MGAM: variants seen among roughly 807,000 people sequenced by gnomAD.
The protein encoded by MGAM is maltase-glucoamylase.
Under a neutral mutation model 358.8 loss-of-function variants are expected in MGAM, and 253 were observed. That is an observed-to-expected ratio of 0.71 (90% CI 0.64 to 0.78). MGAM has a LOEUF of 0.78. MGAM is among the 30% of genes least tolerant of loss of function. MGAM has a pLI of 0.00. For synonymous variants in MGAM, 1,105 were observed against 1,227.1 expected (o/e 0.90, Z 2.08); for missense variants, 3,080 against 3,432.6 (o/e 0.90, Z 2.57).
At chr7:142,066,869 C>G (rs961085436) in intron 41 of MGAM, 148 bp downstream of exon 41, 1 of 1,062,114 alleles carries the variant, frequency 9.4e-7, no homozygotes, top group South Asian at 1.5e-5. Flanking sequence ...TGATTACTGT[C>G]TTTAGCACAG....
intron 52 of MGAM, among the ~76,000 whole-genome samples, chr7:142,083,091 A>G (rs1423638492): frequency 1.4e-5 from 2 of 146,580 alleles, no homozygotes; most frequent in African/African-American, 4.9e-5. Flanking sequence ...ACGACAAAAT[A>G]TAGTAAAATA....
At position 142,093,544 on chromosome 7, in the gene MGAM, C is replaced by T; in HGVS notation, c.7166C>T (p.Thr2389Ile). The T allele has an allele frequency of 6.7e-7, 1 of 1,499,754 alleles. No individual in the cohort carries two copies. The highest frequency in any genetic ancestry group is 9.1e-7 in the Non-Finnish European group (1 of 1,103,552). The allele number at this position is 1,499,754 out of a possible 1,614,324, so 92.9% of individuals were successfully genotyped here. Residue 2389 changes from threonine (T) to isoleucine (I), a missense_variant, in exon 60 of 71, where the codon ACA becomes ATA. Transcript: ENST00000475668. ...TACGGGTGGTCCCAGACCAGACCCA[C>T]ATACGAGTGAGTCTCTGTCTCCCTT... ...NLYGWSQTRPTYEAVQEVTGQ... is the reference protein window; with the variant it reads ...NLYGWSQTRPIYEAVQEVTGQ...
chr7:142,053,034 T>C (rs1441128291), intron 26 of MGAM, 50 bp downstream of exon 26: 16 of 1,568,804 alleles, frequency 1.0e-5, no homozygotes, highest in Admixed American at 1.7e-5. Flanking sequence ...TTCAGTTCCA[T>C]TACCTTTTAT....
chr7:142,029,406 A>G (rs1371860862), intron 10 of MGAM, among the ~76,000 whole-genome samples: 2 of 152,150 alleles, frequency 1.3e-5, no homozygotes, highest in East Asian at 3.9e-4. Context: ...CCCATTTAAT[A>G]TTAGAAAACT....
intron 26 of MGAM, among the ~76,000 whole-genome samples, chr7:142,054,170 A>G (rs888143121): frequency 1.3e-5 from 2 of 152,230 alleles, no homozygotes; most frequent in African/African-American, 2.4e-5. Flanking sequence ...CAGCACTTCT[A>G]CATAGCTCTC....
At chr7:141,997,046 A>G (rs1015370527) in intron 1 of MGAM, among the ~76,000 whole-genome samples, 2 of 152,232 alleles carry the variant, frequency 1.3e-5, no homozygotes, top group Non-Finnish European at 2.9e-5. Context: ...GATCCTTACT[A>G]GTTGCCAGTC....
In MGAM at chr7:142,025,054, G is replaced by A. The variant is rs571907096; in HGVS notation, c.887G>A (p.Gly296Glu). The change falls in exon 8 of 71, where the codon GGA becomes GAA. Residue 296 changes from glycine (G) to glutamate (E), a missense_variant. Physicochemically the swap from Gly to Glu is moderately conservative, Grantham distance 98 (BLOSUM62 -2). Transcript: ENST00000475668. ...TTTTTAATTCTCTTTCTGCAGAACGGAACTAATTTGTATGGTGCGCAGACA... is the reference window on the plus strand; with the variant it reads ...TTTTTAATTCTCTTTCTGCAGAACGAAACTAATTTGTATGGTGCGCAGACA... ...FNRDTTPNGN[G>E]TNLYGAQTFF... is the part of the protein sequence containing the mutation. The A allele has an allele frequency of 1.2e-6, 2 of 1,612,828 alleles. No homozygotes were observed. Among genetic ancestry groups the A allele is most frequent in the South Asian group, 1.1e-5 (1 of 91,014 alleles).
intron 31 of MGAM, 96 bp downstream of exon 31, chr7:142,058,424 C>T (rs1811769227): frequency 6.4e-7 from 1 of 1,564,380 alleles, no homozygotes; most frequent in Non-Finnish European, 8.6e-7. Flanking sequence ...TCCATAAAGA[C>T]ATAAAGTTCT....
Position 142,073,766 on chromosome 7 carries a change from T to C in MGAM, c.5187-319T>C, listed in dbSNP as rs2129048891. On this transcript the variant is annotated intron_variant, in intron 44 of 70. Coordinates refer to ENST00000475668, the MANE Select transcript of MGAM (RefSeq NM_001365693.1). The stretch of plus-strand genomic sequence containing the variant: ...TGACTGAACCAGTTATTGCCTAAGA[T>C]TTCTTTCTCTTCTCATACTCTGTAT... 1.4e-5 allele frequency among the ~76,000 whole-genome samples: 2 copies of C among 146,100 alleles called. 1 individual carries two copies. Among genetic ancestry groups the C allele is most frequent in the South Asian group, 4.4e-4 (2 of 4,564 alleles).
At chr7:142,025,242 G>A (rs1052535287) in intron 8 of MGAM, 93 bp downstream of exon 8, 2 of 956,106 alleles carry the variant, frequency 2.1e-6, no homozygotes, top group Admixed American at 2.0e-5. Flanking sequence ...CCCTTTAAGA[G>A]TGACTGAGCC....
At chr7:142,095,003 T>G in intron 63 of MGAM, 140 bp downstream of exon 63, 5 of 863,288 alleles carry the variant, frequency 5.8e-6, no homozygotes, top group Non-Finnish European at 8.7e-6. Context: ...CTCATTCTAT[T>G]GCCTAAGCTG....
rs1340489265 is a variant in MGAM at position 142,052,960 on chromosome 7, T to C, written c.3135T>C (p.His1045=). ...VNPLRLDVTY[H]KNEMLQFKIY... ...CCCTTCGCCTGGATGTCACTTACCA[T>C]AAGAATGAAATGCTGCAGTTCAAGG... The change falls in exon 26 of 71, where the codon CAT becomes CAC. Residue 1045 remains histidine (H), a synonymous_variant. Coordinates refer to ENST00000475668, the MANE Select transcript of MGAM (RefSeq NM_001365693.1). 1 of 1,613,720 alleles carries C rather than the reference T, an allele frequency of 6.2e-7. No homozygotes were observed.
At chr7:142,039,464 A>G (rs960819547) in intron 19 of MGAM, among the ~76,000 whole-genome samples, 43 of 152,086 alleles carry the variant, frequency 2.8e-4, no homozygotes, top group African/African-American at 1.0e-3. Flanking sequence ...GACAGAACCA[A>G]GGGAATGGTG....
At chr7:142,048,956 C>A (rs180897442) in intron 22 of MGAM, among the ~76,000 whole-genome samples, 3 of 152,216 alleles carry the variant, frequency 2.0e-5, no homozygotes, top group Non-Finnish European at 2.9e-5. Flanking sequence ...TAGACTGGAT[C>A]CCCAGAACCT....
At position 142,100,832 on chromosome 7, in the gene MGAM, C is replaced by G; in HGVS notation, c.7905C>G (p.Ala2635=). The change falls in exon 68 of 71, where the codon GCC becomes GCG. Residue 2635 remains alanine, a synonymous_variant. Transcript: ENST00000475668. The part of the protein sequence containing the change: ...SRQKFMGFKI[A]LDDEGTAGGW... ...AGAAATTCATGGGCTTCAAAATTGCCTTGGATGATGAAGGAACTGCTGGGG... is the reference window on the plus strand; with the variant it reads ...AGAAATTCATGGGCTTCAAAATTGCGTTGGATGATGAAGGAACTGCTGGGG... The G allele has an allele frequency of 6.2e-7, 1 of 1,613,050 alleles. No individual in the cohort carries two copies. The highest frequency in any genetic ancestry group is 1.7e-5 in the Admixed American group (1 of 59,916).
Position 142,062,690 on chromosome 7 carries a change from T to C in MGAM, c.4245T>C (p.Asp1415=), listed in dbSNP as rs1296832931. 1.2e-6 allele frequency: 2 copies of C among 1,609,630 alleles called. No homozygotes were observed. Among genetic ancestry groups the C allele is most frequent in the Admixed American group, 1.7e-5 (1 of 59,226 alleles). Residue 1415 remains aspartate, a synonymous_variant, in exon 35 of 71, where the codon GAT becomes GAC. Coordinates refer to ENST00000475668, the MANE Select transcript of MGAM (RefSeq NM_001365693.1). ...ATCCAGAGAGGAGCTTGAAGTTTGATGGCATGTGGATTGTAAGTGTGTGTG... is the reference window on the plus strand; with the variant it reads ...ATCCAGAGAGGAGCTTGAAGTTTGACGGCATGTGGATTGTAAGTGTGTGTG... ...PQNPERSLKF[D]GMWIDMNEPS...
chr7:142,016,862 C>T (rs1554456380), intron 3 of MGAM, among the ~76,000 whole-genome samples: 1 of 152,216 alleles, frequency 6.6e-6, no homozygotes, highest in African/African-American at 2.4e-5. Flanking sequence ...GCTGGGATTA[C>T]AGGCGAGAGC....
At position 142,056,059 on chromosome 7, in the gene MGAM, T is replaced by G. The variant is rs753196720; in HGVS notation, c.3543T>G (p.Ser1181Arg). 1 of 1,611,222 alleles carries G rather than the reference T, an allele frequency of 6.2e-7. No individual in the cohort carries two copies. The highest frequency in any genetic ancestry group is 8.5e-7 in the Non-Finnish European group (1 of 1,178,852). The change falls in exon 29 of 71, where the codon AGT becomes AGG. Residue 1181 changes from serine (S) to arginine (R), a missense_variant. By Grantham distance (110) the Ser-to-Arg change is moderately radical (BLOSUM62 -1). Coordinates refer to ENST00000475668, the MANE Select transcript of MGAM (RefSeq NM_001365693.1). ...ACATGGGGCTGGAGGAGGACGGCAG[T>G]GCCCATGGAGTGCTCCTGCTGAACA... ...PYYMGLEEDG[S>R]AHGVLLLNSN...
chr7:142,067,485 C>T lies in MGAM; in HGVS notation c.5004+60C>T, dbSNP rs184189520. On this transcript the variant is annotated intron_variant, in intron 42 of 70. Coordinates refer to ENST00000475668, the MANE Select transcript of MGAM (RefSeq NM_001365693.1). ...CAGCTGTGAGGCTTGGGGAAAAGGACGAGGAGAAGAGGCCTGAGCTGGTGG... is the reference window on the plus strand; with the variant it reads ...CAGCTGTGAGGCTTGGGGAAAAGGATGAGGAGAAGAGGCCTGAGCTGGTGG... 8.3e-5 allele frequency: 111 copies of T among 1,332,390 alleles called. 7 individuals are homozygous for T. In the Middle Eastern group the frequency reaches 1.0e-3, roughly 12 times the overall value. The allele number at this position is 1,332,390 out of a possible 1,614,324, so 82.5% of individuals were successfully genotyped here. A position where few individuals can be genotyped will look rare whatever the true frequency, so the allele number is the denominator to read the frequency against.
Sources: gnomAD v4.1 joint callset for allele counts (sites outside exome capture counted in the v4.1 genomes callset) on GRCh38, gnomAD v4.1.1 for gene constraint, MANE v1.5 for transcripts, NCBI Gene and HGNC (gene_info 2026-07-23, HGNC 2026-07-21) for gene names.